KCNJ3: variants seen among roughly 807,000 people sequenced by gnomAD.
KCNJ3 encodes potassium inwardly rectifying channel subfamily J member 3.
A neutral mutation model predicts 39.2 loss-of-function variants in KCNJ3; 4 were observed. The observed-to-expected ratio is 0.10, with a 90% CI of 0.05 to 0.23. The LOEUF is 0.23. KCNJ3 is among the 10% of genes least tolerant of loss of function. KCNJ3 has a pLI of 1.00. For missense variants in KCNJ3, 276 were observed against 634.9 expected (o/e 0.43, Z 6.08); for synonymous variants, 230 against 237.4 (o/e 0.97, Z 0.29).
At chr2:154,741,041 G>T (rs1419566717) in intron 2 of KCNJ3, among the ~76,000 whole-genome samples, 1 of 151,908 alleles carries the variant, frequency 6.6e-6, no homozygotes, top group African/African-American at 2.4e-5. Flanking sequence ...ATCACTCTAT[G>T]TATAGTTTCT....
intron 2 of KCNJ3, among the ~76,000 whole-genome samples, chr2:154,794,533 T>C (rs1686687364): frequency 6.6e-6 from 1 of 151,990 alleles, no homozygotes; most frequent in African/African-American, 2.4e-5. Flanking sequence ...GCAGTATGAC[T>C]GAGTGGAGGA....
At chr2:154,727,423 TAA>T (rs747975225) in intron 2 of KCNJ3, among the ~76,000 whole-genome samples, 1 of 142,106 alleles carries the variant, frequency 7.0e-6, no homozygotes. Flanking sequence ...CCGTCTCTAC[TAA>T]AAAAAAAAAA....
At chr2:154,840,616 CAGTGGTTTGTAGTTCTCCTTGAAG>C (rs1187096320) in intron 2 of KCNJ3, among the ~76,000 whole-genome samples, 1 of 152,168 alleles carries the variant, frequency 6.6e-6, no homozygotes, top group African/African-American at 2.4e-5. Flanking sequence ...GTTCGTTGAG[CAGTGGTTTGTAGTTCTCCTTGAAG>C]AGGTCCTTCA....
At position 154,829,573 on chromosome 2, in the gene KCNJ3, TA is replaced by T. The variant is rs374888327; in HGVS notation, c.920-25153del. 7.3e-3 allele frequency among the ~76,000 whole-genome samples: 1,116 copies of T among 152,274 alleles called. 18 individuals are homozygous for T. The highest frequency in any genetic ancestry group is 0.026 in the African/African-American group (1,060 of 41,556). On this transcript the variant is annotated intron_variant, in intron 2 of 2. Coordinates refer to ENST00000295101, the MANE Select transcript of KCNJ3 (RefSeq NM_002239.4). The stretch of plus-strand genomic sequence containing the variant: ...GATTCCATTTCTTTGCTATTGTGAA[TA>T]GTGCTGCAATGAACATATGTGTGCA...
chr2:154,760,872 G>A lies in KCNJ3; in HGVS notation c.919+51053G>A, dbSNP rs190379176. Among the ~76,000 whole-genome samples the A allele has an allele frequency of 2.9e-3, 430 of 150,740 alleles. 3 individuals carry two copies. Among genetic ancestry groups the A allele is most frequent in the African/African-American group, 9.7e-3 (397 of 41,138 alleles). On this transcript the variant is annotated intron_variant, in intron 2 of 2. Coordinates refer to ENST00000295101, the MANE Select transcript of KCNJ3 (RefSeq NM_002239.4). ...CTGCCTCAGCCTCCCGAGTAGCTGG[G>A]ACTACAGGTGCCCGCCACCACACCC... is the stretch of plus-strand genomic sequence containing the variant.
chr2:154,811,800 T>G (rs1300390446), intron 2 of KCNJ3, among the ~76,000 whole-genome samples: 1 of 152,172 alleles, frequency 6.6e-6, no homozygotes, highest in Non-Finnish European at 1.5e-5. Flanking sequence ...AGACAAATTG[T>G]AGGTTTGTAG....
intron 2 of KCNJ3, among the ~76,000 whole-genome samples, chr2:154,827,387 A>G (rs1687287677): frequency 6.6e-6 from 1 of 152,164 alleles, no homozygotes; most frequent in Non-Finnish European, 1.5e-5. Context: ...GATAAAATCT[A>G]TTATCGTCCT....
chr2:154,752,321 A>G (rs1416590010), intron 2 of KCNJ3, among the ~76,000 whole-genome samples: 1 of 152,036 alleles, frequency 6.6e-6, no homozygotes, highest in African/African-American at 2.4e-5. Flanking sequence ...ATGGAAAAAA[A>G]TCAAATCCAT....
At chr2:154,747,251 C>T (rs1219334203) in intron 2 of KCNJ3, among the ~76,000 whole-genome samples, 1 of 151,832 alleles carries the variant, frequency 6.6e-6, no homozygotes, top group East Asian at 1.9e-4. Flanking sequence ...ACTCCTTTTA[C>T]TCGTATGTCA....
chr2:154,845,190 C>G (rs887889840), intron 2 of KCNJ3, among the ~76,000 whole-genome samples: 7 of 152,194 alleles, frequency 4.6e-5, no homozygotes, highest in African/African-American at 1.4e-4. Context: ...ATAATCTCAG[C>G]TCACTGCAAT....
chr2:154,842,806 C>T (rs2105131311), intron 2 of KCNJ3, among the ~76,000 whole-genome samples: 1 of 152,210 alleles, frequency 6.6e-6, no homozygotes, highest in South Asian at 2.1e-4. Flanking sequence ...GATCTTCCTC[C>T]ATCCCTTTAT....
intron 1 of KCNJ3, among the ~76,000 whole-genome samples, chr2:154,707,894 T>C (rs959548516): frequency 3.3e-5 from 5 of 152,180 alleles, no homozygotes; most frequent in African/African-American, 1.2e-4. Context: ...TATACAACCA[T>C]GTAGTTGGAA....
In KCNJ3 at chr2:154,736,457, T is replaced by G. The variant is rs545998405; in HGVS notation, c.919+26638T>G. ...CTGACACTGTGACACTGGACTCTGC[T>G]TGTGGCCCCCGATTTGACTTATGCT... On this transcript the variant is annotated intron_variant, in intron 2 of 2. Coordinates refer to ENST00000295101, the MANE Select transcript of KCNJ3 (RefSeq NM_002239.4). Among the ~76,000 whole-genome samples the G allele has an allele frequency of 3.4e-3, 509 of 148,154 alleles. 3 individuals carry two copies. The highest frequency in any genetic ancestry group is 6.3e-3 in the South Asian group (29 of 4,640).
intron 2 of KCNJ3, among the ~76,000 whole-genome samples, chr2:154,853,002 A>T (rs147679249): frequency 0.013 from 2,021 of 152,214 alleles, 20 homozygotes; most frequent in South Asian, 0.028. Context: ...TAGAAATAGG[A>T]TGATACTTTT....
chr2:154,796,171 A>C (rs1258736809), intron 2 of KCNJ3, among the ~76,000 whole-genome samples: 1 of 152,286 alleles, frequency 6.6e-6, no homozygotes, highest in Non-Finnish European at 1.5e-5. Context: ...CTGAGGAATT[A>C]AAGGAATTGA....
intron 2 of KCNJ3, among the ~76,000 whole-genome samples, chr2:154,722,838 C>G (rs919885895): frequency 1.3e-5 from 2 of 152,128 alleles, no homozygotes; most frequent in Non-Finnish European, 2.9e-5. Flanking sequence ...GAAGTTTGAA[C>G]AAGTATCCAC....
chr2:154,775,334 A>G (rs766193693), intron 2 of KCNJ3, among the ~76,000 whole-genome samples: 4 of 152,198 alleles, frequency 2.6e-5, no homozygotes, highest in Admixed American at 6.5e-5. Context: ...TTAAAAAAAA[A>G]TCATTTCAAA....
At chr2:154,700,509 A>C (rs1434194391) in intron 1 of KCNJ3, among the ~76,000 whole-genome samples, 1 of 152,238 alleles carries the variant, frequency 6.6e-6, no homozygotes, top group African/African-American at 2.4e-5. Flanking sequence ...TAAATTGAAA[A>C]AGATGACCTT....
chr2:154,802,314 T>A (rs1441614666), intron 2 of KCNJ3, among the ~76,000 whole-genome samples: 1 of 152,094 alleles, frequency 6.6e-6, no homozygotes, highest in East Asian at 1.9e-4. Flanking sequence ...GGTGTGGTCA[T>A]GTGAGGGAGC....
Sources: allele counts gnomAD v4.1 joint callset (sites outside exome capture counted in the v4.1 genomes callset), GRCh38; gene constraint gnomAD v4.1.1; transcripts MANE v1.5; gene names NCBI Gene and HGNC (gene_info 2026-07-23, HGNC 2026-07-21).